Variants in PCMTD1 observed in about 807,000 individuals in gnomAD.
PCMTD1 encodes the protein protein-L-isoaspartate O-methyltransferase domain-containing protein 1.
Under a neutral mutation model 37.6 loss-of-function variants are expected in PCMTD1, and 12 were observed. That is an observed-to-expected ratio of 0.32 (90% CI 0.20 to 0.52). The LOEUF (loss-of-function observed/expected upper bound fraction) is 0.52, where lower values mean the gene tolerates loss of function less well. Ranked by LOEUF, PCMTD1 falls within the 20% of genes least tolerant of loss-of-function variation. The pLI is 0.97. For missense variants in PCMTD1, 235 were observed against 421.3 expected (o/e 0.56, Z 3.87); for synonymous variants, 117 against 135.8 (o/e 0.86, Z 0.96).
intron 3 of PCMTD1, among the ~76,000 whole-genome samples, chr8:51,833,927 C>A (rs2038032158): frequency 6.6e-6 from 1 of 152,114 alleles, no homozygotes; most frequent in South Asian, 2.1e-4. Flanking sequence ...TTTGCCCACA[C>A]TGAAACCTCA....
intron 3 of PCMTD1, among the ~76,000 whole-genome samples, chr8:51,837,569 T>C (rs903129133): frequency 6.6e-6 from 1 of 152,150 alleles, no homozygotes; most frequent in African/African-American, 2.4e-5. Flanking sequence ...GCTTAACCTT[T>C]TCTAGCCATA....
intron 3 of PCMTD1, among the ~76,000 whole-genome samples, chr8:51,838,393 G>A (rs2038098041): frequency 6.6e-6 from 1 of 151,994 alleles, no homozygotes; most frequent in South Asian, 2.1e-4. Flanking sequence ...AAAGGCCAAG[G>A]TGGGAAGATC....
At chr8:51,856,373 G>C (rs566533789) in intron 2 of PCMTD1, among the ~76,000 whole-genome samples, 42 of 152,300 alleles carry the variant, frequency 2.8e-4, no homozygotes, top group African/African-American at 9.9e-4. Context: ...GTATTAGTGA[G>C]GATGTGAATA....
chr8:51,874,434 G>GT (rs34112840), intron 1 of PCMTD1, among the ~76,000 whole-genome samples: 76,954 of 151,782 alleles, frequency 0.51, 23,603 homozygotes, highest in Non-Finnish European at 0.68. Flanking sequence ...TCAAAGAATG[G>GT]TTTCAGGTCC....
intron 2 of PCMTD1, among the ~76,000 whole-genome samples, chr8:51,853,291 G>A (rs2038335582): frequency 6.6e-6 from 1 of 152,154 alleles, no homozygotes; most frequent in Non-Finnish European, 1.5e-5. Context: ...AAGAACTCCA[G>A]CAGACCAAGC....
chr8:51,846,794 T>C (rs1424186470), intron 2 of PCMTD1, among the ~76,000 whole-genome samples: 3 of 152,158 alleles, frequency 2.0e-5, no homozygotes, highest in Non-Finnish European at 4.4e-5. Flanking sequence ...ACATGTAAAA[T>C]ATGGTTTGCC....
At chr8:51,836,217 C>A (rs2038064004) in intron 3 of PCMTD1, among the ~76,000 whole-genome samples, 1 of 152,192 alleles carries the variant, frequency 6.6e-6, no homozygotes, top group African/African-American at 2.4e-5. Context: ...TCTAGAGCTG[C>A]ACTATCAAGA....
intron 1 of PCMTD1, among the ~76,000 whole-genome samples, chr8:51,883,571 G>A (rs2038822638): frequency 6.6e-6 from 1 of 152,160 alleles, no homozygotes; most frequent in Admixed American, 6.5e-5. Flanking sequence ...ATATTATTAA[G>A]TATAAGGAGG....
intron 2 of PCMTD1, chr8:51,849,834 T>TGTCTATG: frequency 2.0e-6 from 1 of 504,812 alleles, no homozygotes; most frequent in South Asian, 3.1e-5. Context: ...TTTTTATTTA[T>TGTCTATG]GTCTATGTTC....
At position 51,831,294 on chromosome 8, in the gene PCMTD1, TC is replaced by T. The variant is rs1374225724; in HGVS notation, c.706+149del. ...GCCTGGGCAACAGAACAAGACTGTC[TC>T]CAAAAAAAAAAAAAAAGTTGAATAA... On this transcript the variant is annotated intron_variant, in intron 5 of 5. Coordinates refer to ENST00000522514, the MANE Select transcript of PCMTD1 (RefSeq NM_052937.4). 168 of 669,950 alleles carry T rather than the reference TC, an allele frequency of 2.5e-4. No homozygotes were observed. The East Asian group carries it at 4.0e-3, about 16-fold the overall frequency. The allele number at this position is 669,950 out of a possible 1,614,324, so 41.5% of individuals were successfully genotyped here.
intron 1 of PCMTD1, among the ~76,000 whole-genome samples, chr8:51,878,475 A>C (rs953753263): frequency 2.6e-5 from 4 of 152,192 alleles, no homozygotes; most frequent in African/African-American, 7.2e-5. Context: ...AATGCAAGCA[A>C]GATCTTCATG....
chr8:51,872,457 G>A (rs1304552159), intron 1 of PCMTD1, among the ~76,000 whole-genome samples: 1 of 152,112 alleles, frequency 6.6e-6, no homozygotes, highest in African/African-American at 2.4e-5. Flanking sequence ...TATCCTTATG[G>A]GAACTGCAGC....
At chr8:51,887,674 AT>A (rs1009570130) in intron 1 of PCMTD1, among the ~76,000 whole-genome samples, 2 of 151,832 alleles carry the variant, frequency 1.3e-5, no homozygotes, top group African/African-American at 4.8e-5. Context: ...TTTAAAATAA[AT>A]TAAAAAAAAA....
At chr8:51,890,050 G>A (rs2038916631) in intron 1 of PCMTD1, among the ~76,000 whole-genome samples, 2 of 150,638 alleles carry the variant, frequency 1.3e-5, no homozygotes. Context: ...AAATAATGAG[G>A]TAATTAAACT....
intron 1 of PCMTD1, among the ~76,000 whole-genome samples, chr8:51,898,487 T>C (rs1410902280): frequency 2.6e-5 from 4 of 151,632 alleles, no homozygotes; most frequent in Admixed American, 2.6e-4. Flanking sequence ...AAAACAGAAG[T>C]CACTGGGCGG....
upstream of PCMTD1, chr8:51,899,107 G>A (rs1030048446): frequency 1.4e-6 from 2 of 1,451,996 alleles, no homozygotes; most frequent in Non-Finnish European, 9.1e-7. Context: ...CCGGGGTCCG[G>A]GCATGCGCAG....
Position 51,878,352 on chromosome 8 carries a change from T to C in PCMTD1, c.-95-17106A>G, listed in dbSNP as rs546148623. Among the ~76,000 whole-genome samples, 26 of 150,094 alleles carry C rather than the reference T, an allele frequency of 1.7e-4. 1 individual carries two copies. The South Asian group carries it at 4.8e-3, about 28-fold the overall frequency. ...AATGTGGCCTGGGGAAGCCAAAAGA[T>C]TGGACACCCCTGGTGTACAGGAAGA... On this transcript the variant is annotated intron_variant, in intron 1 of 5. Transcript: ENST00000522514.
chr8:51,878,949 AC>A (rs2038753508), intron 1 of PCMTD1, among the ~76,000 whole-genome samples: 1 of 152,062 alleles, frequency 6.6e-6, no homozygotes, highest in Admixed American at 6.6e-5. Flanking sequence ...AAACAGTGAG[AC>A]CCTATTTCTA....
At chr8:51,857,051 C>T (rs1287707804) in intron 2 of PCMTD1, among the ~76,000 whole-genome samples, 2 of 152,216 alleles carry the variant, frequency 1.3e-5, no homozygotes, top group Non-Finnish European at 2.9e-5. Context: ...AAAGCACGAG[C>T]ACTGAGGTCA....
Sources: allele counts gnomAD v4.1 joint callset (sites outside exome capture counted in the v4.1 genomes callset), GRCh38; gene constraint gnomAD v4.1.1; transcripts MANE v1.5; gene names NCBI Gene and HGNC (gene_info 2026-07-23, HGNC 2026-07-21).